Variants in PDIA5 observed in about 807,000 individuals in gnomAD.
PDIA5 encodes the protein protein disulfide-isomerase A5.
PDIA5 carries 58 observed loss-of-function variants against 77.6 expected under a neutral mutation model. The ratio of observed to expected loss-of-function variants is 0.75; its 90% confidence interval spans 0.61 to 0.93. The LOEUF (loss-of-function observed/expected upper bound fraction) is 0.93, where lower values mean the gene tolerates loss of function less well. Ranked by LOEUF, PDIA5 falls within the 40% of genes least tolerant of loss-of-function variation. The pLI is 0.00. For missense variants in PDIA5, 630 were observed against 647.7 expected (o/e 0.97, Z 0.30); for synonymous variants, 250 against 252.1 (o/e 0.99, Z 0.08).
chr3:123,067,770 AC>A (rs1933614512), intron 1 of PDIA5, among the ~76,000 whole-genome samples: 1 of 152,096 alleles, frequency 6.6e-6, no homozygotes, highest in Non-Finnish European at 1.5e-5. Context: ...CTGCTCCTAC[AC>A]CCAACTGAGG....
chr3:123,090,898 C>A (rs376795080), intron 2 of PDIA5, among the ~76,000 whole-genome samples: 3 of 152,322 alleles, frequency 2.0e-5, no homozygotes, highest in East Asian at 3.9e-4. Flanking sequence ...TAACTTCCTG[C>A]CTCCTTGCCT....
chr3:123,150,184 C>G, intron 13 of PDIA5, 50 bp from the exon 14 acceptor site: 1 of 1,496,118 alleles, frequency 6.7e-7, no homozygotes, highest in Non-Finnish European at 9.2e-7. Flanking sequence ...CCTTGCCCAT[C>G]TAAAAATCTC....
At chr3:123,134,872 C>T (rs1411483859) in intron 11 of PDIA5, among the ~76,000 whole-genome samples, 1 of 152,188 alleles carries the variant, frequency 6.6e-6, no homozygotes, top group Non-Finnish European at 1.5e-5. Flanking sequence ...GAGCAGAGGG[C>T]TCTGAGAGGG....
At chr3:123,104,616 A>C (rs1478774143) in intron 5 of PDIA5, among the ~76,000 whole-genome samples, 1 of 152,258 alleles carries the variant, frequency 6.6e-6, no homozygotes, top group Non-Finnish European at 1.5e-5. Context: ...CCCCACTGGC[A>C]AAGAATAGGA....
chr3:123,121,508 C>A (rs1935118949), intron 8 of PDIA5, among the ~76,000 whole-genome samples: 2 of 152,318 alleles, frequency 1.3e-5, no homozygotes, highest in South Asian at 2.1e-4. Context: ...CTAATAGATG[C>A]CCCCAAAATG....
intron 12 of PDIA5, 124 bp from the exon 13 acceptor site, chr3:123,145,975 C>A: frequency 1.1e-6 from 1 of 870,162 alleles, no homozygotes; most frequent in Non-Finnish European, 1.8e-6. Flanking sequence ...GCCCACTGGG[C>A]TAGCCACCCC....
chr3:123,133,351 G>T (rs73197505), intron 11 of PDIA5, among the ~76,000 whole-genome samples: 1 of 152,184 alleles, frequency 6.6e-6, no homozygotes, highest in African/African-American at 2.4e-5. Flanking sequence ...GGCCAAATAC[G>T]GAGTGATTTG....
intron 10 of PDIA5, among the ~76,000 whole-genome samples, chr3:123,126,989 T>C (rs141346351): frequency 1.3e-5 from 2 of 152,302 alleles, no homozygotes; most frequent in African/African-American, 4.8e-5. Flanking sequence ...AAGCTGTCAC[T>C]GGTGAGTTGG....
At chr3:123,156,935 C>T (rs562561959) in intron 15 of PDIA5, among the ~76,000 whole-genome samples, 74 of 152,338 alleles carry the variant, frequency 4.9e-4, no homozygotes, top group African/African-American at 1.6e-3. Flanking sequence ...CTCCAGCGGG[C>T]AGCTGAGAGC....
chr3:123,117,371 A>ATT (rs1935019188), intron 8 of PDIA5, among the ~76,000 whole-genome samples: 12 of 14,580 alleles, frequency 8.2e-4, no homozygotes, highest in African/African-American at 1.8e-3. Flanking sequence ...TGTTTCTATG[A>ATT]TTTTATATAT....
chr3:123,135,020 C>G (rs561795408), intron 11 of PDIA5, among the ~76,000 whole-genome samples: 1 of 152,190 alleles, frequency 6.6e-6, no homozygotes, highest in Non-Finnish European at 1.5e-5. Context: ...GCCCCAGGCC[C>G]GGTTTTCCCA....
At chr3:123,093,658 T>G (rs1028535687) in intron 3 of PDIA5, among the ~76,000 whole-genome samples, 1 of 152,184 alleles carries the variant, frequency 6.6e-6, no homozygotes, top group African/African-American at 2.4e-5. Flanking sequence ...CGCAGATGGA[T>G]AACTGCATCC....
intron 15 of PDIA5, among the ~76,000 whole-genome samples, chr3:123,158,704 A>G (rs1324789096): frequency 6.6e-6 from 1 of 152,176 alleles, no homozygotes; most frequent in Non-Finnish European, 1.5e-5. Context: ...GTGCTGTGGC[A>G]AGGGCTGGTC....
At chr3:123,088,885 T>C (rs1384890918) in intron 1 of PDIA5, among the ~76,000 whole-genome samples, 1 of 152,232 alleles carries the variant, frequency 6.6e-6, no homozygotes, top group Non-Finnish European at 1.5e-5. Flanking sequence ...TTTCCATCCA[T>C]GGTTGGTCAA....
chr3:123,079,175 C>CTTTTTTTTTTTTTTTTTTTTTTT (rs35252405), intron 1 of PDIA5, among the ~76,000 whole-genome samples: 2 of 94,080 alleles, frequency 2.1e-5, no homozygotes, highest in African/African-American at 4.3e-5. Flanking sequence ...ATTTTGAATT[C>CTTTTTTTTTTTTTTTTTTTTTTT]TTTTTTTTTT....
intron 1 of PDIA5, among the ~76,000 whole-genome samples, chr3:123,085,863 TA>T (rs1363288784): frequency 3.3e-5 from 5 of 152,238 alleles, no homozygotes; most frequent in African/African-American, 1.2e-4. Flanking sequence ...TCCAACAGAT[TA>T]TTTTTTTTCC....
intron 8 of PDIA5, among the ~76,000 whole-genome samples, chr3:123,122,447 A>G (rs1448335093): frequency 6.6e-6 from 1 of 152,160 alleles, no homozygotes; most frequent in Non-Finnish European, 1.5e-5. Flanking sequence ...GGGCTAGGAA[A>G]AAAAAAACAG....
intron 7 of PDIA5, among the ~76,000 whole-genome samples, chr3:123,114,688 A>G (rs1445837098): frequency 6.6e-6 from 1 of 152,214 alleles, no homozygotes; most frequent in Non-Finnish European, 1.5e-5. Context: ...AATGGAAACA[A>G]TGCCCCTGAC....
At chr3:123,092,506 G>A in intron 3 of PDIA5, 64 bp downstream of exon 3, 2 of 1,136,064 alleles carry the variant, frequency 1.8e-6, no homozygotes, top group East Asian at 2.3e-5. Context: ...GCTTTGATTG[G>A]TGGGGACAGG....
Sources: gnomAD v4.1 joint callset for allele counts (sites outside exome capture counted in the v4.1 genomes callset) on GRCh38, gnomAD v4.1.1 for gene constraint, MANE v1.5 for transcripts, NCBI Gene and HGNC (gene_info 2026-07-23, HGNC 2026-07-21) for gene names.